The following PRELID2 variants were observed in gnomAD, a reference collection of about 807,000 sequenced individuals.
PRELID2 encodes PRELI domain containing 2.
PRELID2 carries 25 observed loss-of-function variants against 28.4 expected under a neutral mutation model. That is an observed-to-expected ratio of 0.88 (90% CI 0.64 to 1.23). The LOEUF (loss-of-function observed/expected upper bound fraction) is 1.23. Among genes scored for constraint, PRELID2 ranks in the 50% most tolerant of loss-of-function variants. The probability of loss-of-function intolerance (pLI) is 0.00; values close to 1 mark genes in which losing one functional copy is unlikely to be tolerated. For missense variants in PRELID2, 201 were observed against 214.4 expected, an observed-to-expected ratio of 0.94 and a Z score of 0.39; for synonymous variants, 76 against 71.6, an observed-to-expected ratio of 1.06 and a Z score of -0.31.
intron 1 of PRELID2, among the ~76,000 whole-genome samples, chr5:145,736,339 A>T (rs1453156525): frequency 2.0e-5 from 3 of 152,188 alleles, no homozygotes; most frequent in Non-Finnish European, 4.4e-5. Context: ...CTTCATTGTC[A>T]GAATGATGAG....
chr5:145,691,921 G>A (rs952799723), intron 1 of PRELID2, among the ~76,000 whole-genome samples: 3 of 152,080 alleles, frequency 2.0e-5, no homozygotes, highest in Admixed American at 6.6e-5. Flanking sequence ...GCTGTTTCAT[G>A]CCTCTGTGCC....
At chr5:145,289,439 C>G in the PRELID2 span, among the ~76,000 whole-genome samples, 1 of 152,094 alleles carries the variant, frequency 6.6e-6, no homozygotes, top group Non-Finnish European at 1.5e-5. Flanking sequence ...TAACTCATTT[C>G]CTCTTATTGC....
chr5:145,797,265 CT>C (rs1752824740), intron 4 of PRELID2, among the ~76,000 whole-genome samples: 1 of 151,952 alleles, frequency 6.6e-6, no homozygotes, highest in Non-Finnish European at 1.5e-5. Flanking sequence ...ACCAAATTGC[CT>C]TTATGAGAAC....
At chr5:145,438,876 C>T in the PRELID2 span, among the ~76,000 whole-genome samples, 16 of 152,072 alleles carry the variant, frequency 1.1e-4, no homozygotes, top group African/African-American at 3.9e-4. Context: ...TTTTATATTG[C>T]CTCTCTTCAC....
At chr5:145,748,236 C>T (rs1013389816) in intron 1 of PRELID2, among the ~76,000 whole-genome samples, 4 of 152,182 alleles carry the variant, frequency 2.6e-5, no homozygotes, top group African/African-American at 9.7e-5. Context: ...TTGCAGACGA[C>T]ATGATTTTAT....
the PRELID2 span, among the ~76,000 whole-genome samples, chr5:145,241,265 A>G: frequency 2.0e-5 from 3 of 151,968 alleles, no homozygotes; most frequent in African/African-American, 7.2e-5. Flanking sequence ...TGGCTCATAA[A>G]TACCTTGAAG....
chr5:145,740,616 A>ATATATATATTT (rs1491266504), intron 1 of PRELID2, among the ~76,000 whole-genome samples: 11 of 7,566 alleles, frequency 1.5e-3, no homozygotes, highest in Non-Finnish European at 8.9e-3. Context: ...ATATATATAA[A>ATATATATATTT]TATATATATA....
At chr5:145,739,074 TA>T (rs1217378100) in intron 1 of PRELID2, among the ~76,000 whole-genome samples, 4 of 152,126 alleles carry the variant, frequency 2.6e-5, no homozygotes, top group Non-Finnish European at 5.9e-5. Flanking sequence ...AAATATCCAG[TA>T]AAAATATCCT....
the PRELID2 span, among the ~76,000 whole-genome samples, chr5:145,329,970 T>C: frequency 6.6e-6 from 1 of 152,168 alleles, no homozygotes; most frequent in African/African-American, 2.4e-5. Flanking sequence ...ACCTAGTTTA[T>C]TGAGAGTTTT....
At chr5:145,778,327 T>C (rs1758548502) in intron 5 of PRELID2, among the ~76,000 whole-genome samples, 1 of 152,088 alleles carries the variant, frequency 6.6e-6, no homozygotes, top group Admixed American at 6.5e-5. Context: ...ACGACCTGCC[T>C]GCAGAGAGGA....
At chr5:145,592,467 C>T (rs906443102) in intron 1 of PRELID2, among the ~76,000 whole-genome samples, 1 of 142,746 alleles carries the variant, frequency 7.0e-6, no homozygotes, top group Non-Finnish European at 1.5e-5. Flanking sequence ...TATACACACA[C>T]ATACATACAC....
intron 1 of PRELID2, among the ~76,000 whole-genome samples, chr5:145,637,690 G>A (rs1754022161): frequency 1.3e-5 from 2 of 152,238 alleles, no homozygotes; most frequent in Middle Eastern, 3.4e-3. Context: ...TAAGAGTGTG[G>A]GAGGAAACAC....
At chr5:145,725,101 C>A (rs116918961) in intron 1 of PRELID2, among the ~76,000 whole-genome samples, 1 of 151,932 alleles carries the variant, frequency 6.6e-6, no homozygotes, top group African/African-American at 2.4e-5. Context: ...AAGTAAAGTA[C>A]TTGAAATGTC....
intron 5 of PRELID2, among the ~76,000 whole-genome samples, chr5:145,780,904 G>C (rs1334334887): frequency 6.6e-6 from 1 of 152,136 alleles, no homozygotes; most frequent in Non-Finnish European, 1.5e-5. Context: ...TGGTGAGCTG[G>C]AATCTAAGGA....
At chr5:145,667,392 C>G (rs1181453152) in intron 1 of PRELID2, among the ~76,000 whole-genome samples, 1 of 152,036 alleles carries the variant, frequency 6.6e-6, no homozygotes, top group Non-Finnish European at 1.5e-5. Context: ...GAAATCAAGA[C>G]AAATTCAAAT....
At chr5:145,284,353 A>G in the PRELID2 span, among the ~76,000 whole-genome samples, 2 of 152,192 alleles carry the variant, frequency 1.3e-5, no homozygotes, top group African/African-American at 4.8e-5. Flanking sequence ...TTTTAGCTAT[A>G]CAGGGACATA....
At chr5:145,385,595 T>C in the PRELID2 span, among the ~76,000 whole-genome samples, 1 of 152,270 alleles carries the variant, frequency 6.6e-6, no homozygotes, top group African/African-American at 2.4e-5. Context: ...CATACATTTT[T>C]CACTACTGTA....
chr5:145,814,582 C>T (rs1035808421), intron 4 of PRELID2, among the ~76,000 whole-genome samples: 2 of 152,130 alleles, frequency 1.3e-5, no homozygotes, highest in Non-Finnish European at 2.9e-5. Flanking sequence ...CAGTAATGAT[C>T]TGGACAAGGG....
chr5:145,578,945 A>T (rs1036928492), intron 1 of PRELID2, among the ~76,000 whole-genome samples: 2 of 152,082 alleles, frequency 1.3e-5, no homozygotes, highest in African/African-American at 4.8e-5. Flanking sequence ...TTGATCAATG[A>T]ATAAGATCTG....
Sources: allele counts gnomAD v4.1 joint callset (sites outside exome capture counted in the v4.1 genomes callset), GRCh38; gene constraint gnomAD v4.1.1; transcripts MANE v1.5; gene names NCBI Gene and HGNC (gene_info 2026-07-23, HGNC 2026-07-21).